GABRB2: variants seen among roughly 807,000 people sequenced by gnomAD.
The protein encoded by GABRB2 is gamma-aminobutyric acid receptor subunit beta-2.
GABRB2 carries 16 observed loss-of-function variants against 54.7 expected under a neutral mutation model. The ratio of observed to expected loss-of-function variants is 0.29; its 90% CI spans 0.20 to 0.44. The LOEUF (loss-of-function observed/expected upper bound fraction) is 0.44. Ranked by LOEUF, GABRB2 falls within the 20% of genes least tolerant of loss-of-function variation. The probability of loss-of-function intolerance (pLI) is 1.00; values close to 1 mark genes in which losing one functional copy is unlikely to be tolerated. For synonymous variants in GABRB2, 244 were observed against 233.8 expected (o/e 1.04, Z -0.40); for missense variants, 355 against 644.0 (o/e 0.55, Z 4.86).
intron 9 of GABRB2, among the ~76,000 whole-genome samples, chr5:161,324,315 T>C (rs1314501936): frequency 1.3e-5 from 2 of 152,160 alleles, no homozygotes; most frequent in African/African-American, 2.4e-5. Context: ...AGAATGACCA[T>C]GAATTTGTTT....
At chr5:161,378,386 T>C (rs528854877) in intron 5 of GABRB2, among the ~76,000 whole-genome samples, 1 of 152,270 alleles carries the variant, frequency 6.6e-6, no homozygotes, top group South Asian at 2.1e-4. Flanking sequence ...CCATTGTTTC[T>C]ATATCAATTT....
chr5:161,432,048 G>A (rs1757184536), intron 4 of GABRB2, among the ~76,000 whole-genome samples: 3 of 152,284 alleles, frequency 2.0e-5, no homozygotes, highest in South Asian at 2.1e-4. Context: ...GGACCACAGG[G>A]TGCATTTAAT....
intron 9 of GABRB2, among the ~76,000 whole-genome samples, chr5:161,298,796 A>G (rs1335947853): frequency 2.6e-5 from 4 of 152,228 alleles, no homozygotes; most frequent in Non-Finnish European, 5.9e-5. Context: ...ATTAGAAGCC[A>G]TAACTAACCA....
intron 2 of GABRB2, 64 bp downstream of exon 2, chr5:161,546,258 G>T: frequency 7.7e-7 from 1 of 1,294,996 alleles, no homozygotes; most frequent in Non-Finnish European, 1.1e-6. Context: ...GGAAGAGAGC[G>T]CGCACAAAGC....
At chr5:161,518,662 G>T (rs1199691020) in intron 3 of GABRB2, among the ~76,000 whole-genome samples, 1 of 152,110 alleles carries the variant, frequency 6.6e-6, no homozygotes, top group African/African-American at 2.4e-5. Flanking sequence ...ATAAGTCAAA[G>T]ACTTCTAGGA....
intron 3 of GABRB2, among the ~76,000 whole-genome samples, chr5:161,488,228 GT>G (rs72084883): frequency 0.11 from 16,103 of 141,010 alleles, 1,328 homozygotes; most frequent in East Asian, 0.24. Flanking sequence ...TTTGCTTTTA[GT>G]TTTTTTTTTT....
intron 9 of GABRB2, 83 bp downstream of exon 9, chr5:161,326,285 C>G: frequency 6.4e-7 from 1 of 1,573,406 alleles, no homozygotes; most frequent in Non-Finnish European, 8.6e-7. Flanking sequence ...CTGCAAAGAT[C>G]CCACACATTT....
At chr5:161,474,134 C>T (rs577023550) in intron 3 of GABRB2, among the ~76,000 whole-genome samples, 2 of 151,980 alleles carry the variant, frequency 1.3e-5, no homozygotes, top group Non-Finnish European at 2.9e-5. Flanking sequence ...GAGACCAGCT[C>T]TAAGCATCTT....
At chr5:161,364,675 AC>A (rs1358529450) in intron 5 of GABRB2, among the ~76,000 whole-genome samples, 1 of 152,124 alleles carries the variant, frequency 6.6e-6, no homozygotes, top group Non-Finnish European at 1.5e-5. Flanking sequence ...AACTTTTGAT[AC>A]TTCTTTCCCT....
intron 5 of GABRB2, among the ~76,000 whole-genome samples, chr5:161,361,913 T>A (rs1754821712): frequency 6.6e-6 from 1 of 152,172 alleles, no homozygotes; most frequent in Non-Finnish European, 1.5e-5. Flanking sequence ...TTTTAGGTCT[T>A]ACATTTAAGT....
chr5:161,298,016 C>T (rs1757432798), intron 9 of GABRB2, among the ~76,000 whole-genome samples: 1 of 152,158 alleles, frequency 6.6e-6, no homozygotes, highest in African/African-American at 2.4e-5. Flanking sequence ...TTTTGATTTG[C>T]ATTTCTCTAA....
intron 3 of GABRB2, among the ~76,000 whole-genome samples, chr5:161,526,242 A>G (rs1413898206): frequency 2.0e-5 from 3 of 151,454 alleles, no homozygotes; most frequent in Non-Finnish European, 4.4e-5. Flanking sequence ...TGGCAATTCA[A>G]TGTGTTCAAA....
intron 5 of GABRB2, among the ~76,000 whole-genome samples, chr5:161,384,735 G>T (rs1755571375): frequency 6.6e-6 from 1 of 152,108 alleles, no homozygotes; most frequent in African/African-American, 2.4e-5. Context: ...CAACAAATGT[G>T]AGTATTTATC....
chr5:161,474,503 C>T (rs1758537524), intron 3 of GABRB2, among the ~76,000 whole-genome samples: 1 of 151,892 alleles, frequency 6.6e-6, no homozygotes, highest in African/African-American at 2.4e-5. Flanking sequence ...TCTAATGCTT[C>T]AGAATCATTG....
intron 4 of GABRB2, among the ~76,000 whole-genome samples, chr5:161,439,109 A>G (rs1349889334): frequency 6.6e-6 from 1 of 152,198 alleles, no homozygotes; most frequent in Non-Finnish European, 1.5e-5. Flanking sequence ...TTAATAATCA[A>G]ATTCTCAAAG....
intron 3 of GABRB2, among the ~76,000 whole-genome samples, chr5:161,503,456 T>C (rs550075997): frequency 6.6e-6 from 1 of 151,916 alleles, no homozygotes; most frequent in African/African-American, 2.4e-5. Context: ...ACATTAAAAG[T>C]AAAATGTATT....
chr5:161,404,824 T>G (rs1039466628), intron 5 of GABRB2, among the ~76,000 whole-genome samples: 3 of 152,156 alleles, frequency 2.0e-5, no homozygotes, highest in African/African-American at 7.2e-5. Context: ...AACCAGGGCC[T>G]GCCTAGTTGT....
chr5:161,303,927 C>T (rs188885777), intron 9 of GABRB2, among the ~76,000 whole-genome samples: 8 of 152,294 alleles, frequency 5.3e-5, no homozygotes, highest in Admixed American at 2.6e-4. Context: ...TCAACAAATT[C>T]GTGTTTCCTT....
At chr5:161,344,522 A>T (rs1754261576) in intron 5 of GABRB2, among the ~76,000 whole-genome samples, 2 of 151,192 alleles carry the variant, frequency 1.3e-5, no homozygotes, top group African/African-American at 2.4e-5. Flanking sequence ...TGTTTTTTTA[A>T]AAAAAAAAGT....
Sources: allele counts gnomAD v4.1 joint callset (sites outside exome capture counted in the v4.1 genomes callset), GRCh38; gene constraint gnomAD v4.1.1; transcripts MANE v1.5; gene names NCBI Gene and HGNC (gene_info 2026-07-23, HGNC 2026-07-21).